MIA3: variants seen among roughly 807,000 people sequenced by gnomAD.
MIA3 encodes the protein MIA SH3 domain ER export factor 3.
MIA3 carries 90 observed loss-of-function variants against 192.4 expected under a neutral mutation model. That is an observed-to-expected ratio of 0.47 (90% CI 0.39 to 0.56). The LOEUF (loss-of-function observed/expected upper bound fraction) is 0.56. MIA3 is among the 20% of genes least tolerant of loss of function. The pLI, the probability that MIA3 is intolerant of heterozygous loss-of-function variation, is 0.00. For missense variants in MIA3, 2,123 were observed against 2,269.4 expected (o/e 0.94, Z 1.31); for synonymous variants, 740 against 792.8 (o/e 0.93, Z 1.12).
intron 8 of MIA3, among the ~76,000 whole-genome samples, chr1:222,650,062 G>T (rs1280397101): frequency 6.6e-6 from 1 of 152,126 alleles, no homozygotes; most frequent in African/African-American, 2.4e-5. Context: ...CTACCCTTAT[G>T]ATCCAATCAC....
Position 222,628,059 on chromosome 1 carries a change from G to A in MIA3, c.839G>A (p.Gly280Asp), listed in dbSNP as rs1441222738. The change falls in exon 4 of 28, where the codon GGC (glycine) becomes GAC (aspartate). Residue 280 changes from glycine to aspartate, a missense_variant. This residue lies in a region of MIA3 where 1,357 missense variants were observed against 1,396.1 expected (regional missense o/e 0.97). Transcript: ENST00000344922. ...ACTCTAGACTTGAAAACCAAATTTG[G>A]CTCAACAGCTGATGCACTTGTATCT... Reference protein sequence around the residue: ...EMTLDLKTKFGSTADALVSDD... With the variant: ...EMTLDLKTKFDSTADALVSDD... 3.1e-6 allele frequency: 5 copies of A among 1,614,044 alleles called. No homozygotes were observed. The highest frequency in any genetic ancestry group is 1.7e-5 in the Admixed American group (1 of 60,018).
Position 222,629,900 on chromosome 1 carries a change from T to C in MIA3, c.2680T>C (p.Ser894Pro). The change falls in exon 4 of 28, where the codon TCT (serine) becomes CCT (proline). Residue 894 changes from serine (S) to proline (P), a missense_variant. Transcript: ENST00000344922. ...GTACATGGGCACAGAAAGCCAGGGGTCTGCTGCTGCAGAACCTGAAGATGA... is the reference window on the plus strand; with the variant it reads ...GTACATGGGCACAGAAAGCCAGGGGCCTGCTGCTGCAGAACCTGAAGATGA... ...EKYMGTESQGSAAAEPEDDSF... is the reference protein window; with the variant it reads ...EKYMGTESQGPAAAEPEDDSF... 1 of 1,613,680 alleles carries C rather than the reference T, an allele frequency of 6.2e-7. No homozygotes were observed. The highest frequency in any genetic ancestry group is 1.3e-5 in the African/African-American group (1 of 74,872).
chr1:222,636,951 C>T (rs988854548), intron 6 of MIA3, among the ~76,000 whole-genome samples: 2 of 152,130 alleles, frequency 1.3e-5, no homozygotes, highest in Non-Finnish European at 2.9e-5. Context: ...AAGAAAGTAC[C>T]GCCAGGTAGA....
chr1:222,652,105 G>A (rs1663471359), intron 12 of MIA3, 57 bp downstream of exon 12: 3 of 1,340,028 alleles, frequency 2.2e-6, no homozygotes, highest in East Asian at 4.6e-5. Flanking sequence ...TTTGATTGCA[G>A]AGCAAAAATT....
intron 6 of MIA3, among the ~76,000 whole-genome samples, chr1:222,643,012 A>AT: frequency 6.6e-6 from 1 of 152,246 alleles, no homozygotes; most frequent in African/African-American, 2.4e-5. Context: ...TTATTTTGCA[A>AT]TTTTTTTGGA....
intron 6 of MIA3, among the ~76,000 whole-genome samples, chr1:222,637,661 G>T (rs1010494896): frequency 4.8e-5 from 7 of 146,846 alleles, no homozygotes; most frequent in Non-Finnish European, 1.1e-4. Flanking sequence ...AATATTTGGT[G>T]TGTTTCTATC....
At chr1:222,633,036 A>C in intron 5 of MIA3, 68 bp from the exon 6 acceptor site, 1 of 1,475,400 alleles carries the variant, frequency 6.8e-7, no homozygotes, top group Non-Finnish European at 9.2e-7. Context: ...GTGGATACTC[A>C]ATAAGTATTT....
At position 222,660,036 on chromosome 1, in the gene MIA3, ATC is replaced by A. The variant is rs1253504633; in HGVS notation, c.4975+32_4975+33del. The A allele has an allele frequency of 6.9e-6, 11 of 1,594,620 alleles. No individual in the cohort carries two copies. In the Admixed American group the frequency reaches 1.9e-4, roughly 27 times the overall value. ...GGGAGCTACCTTGTAAAGGGCAACAATCTGTTTTTTGATGTAAAATGTATATA... is the reference window on the plus strand; with the variant it reads ...GGGAGCTACCTTGTAAAGGGCAACAATGTTTTTTGATGTAAAATGTATATA... On this transcript the variant is annotated intron_variant, in intron 23 of 27. Transcript: ENST00000344922.
chr1:222,622,418 A>G lies in MIA3; in HGVS notation c.267+1126A>G, dbSNP rs1661913538. The stretch of plus-strand genomic sequence containing the variant: ...TAGGATTGTCCCAACTTAGAGAAAT[A>G]CCCATCCCGACTATGAAAGTTTTCA... On this transcript the variant is annotated intron_variant, in intron 2 of 27. Transcript: ENST00000344922. Among the ~76,000 whole-genome samples, 3 of 152,150 alleles carry G rather than the reference A, an allele frequency of 2.0e-5. No homozygotes were observed. The South Asian group carries it at 6.2e-4, about 32-fold the overall frequency.
In MIA3 at chr1:222,667,235, T is replaced by C. The variant is rs1664329398; in HGVS notation, c.*1616T>C. On this transcript the variant is annotated 3_prime_UTR_variant, in exon 28 of 28. Transcript: ENST00000344922. ...TAAAAATTCTTCAGGAAAAGAGAAT[T>C]CAATCTATATGTCCTCCCGTTTAAT... 1 of 152,170 alleles carries C rather than the reference T, an allele frequency of 6.6e-6. No homozygotes were observed. Among genetic ancestry groups the C allele is most frequent in the African/African-American group, 2.4e-5 (1 of 41,452 alleles). The allele number at this position is 152,170 out of a possible 1,614,324, so 9.4% of individuals were successfully genotyped here. A position where few individuals can be genotyped will look rare whatever the true frequency, so the allele number is the denominator to read the frequency against.
chr1:222,643,924 T>A (rs964498682), intron 6 of MIA3, among the ~76,000 whole-genome samples: 1 of 151,592 alleles, frequency 6.6e-6, no homozygotes, highest in Non-Finnish European at 1.5e-5. Context: ...GGCGGAACAG[T>A]AAGCAGAGGA....
chr1:222,640,618 T>TTAA (rs1662810590), intron 6 of MIA3, among the ~76,000 whole-genome samples: 1 of 152,118 alleles, frequency 6.6e-6, no homozygotes, highest in South Asian at 2.1e-4. Context: ...TCAAAGCAGA[T>TTAA]AATAGACTTA....
intron 7 of MIA3, 101 bp downstream of exon 7, chr1:222,645,786 A>AAAGCATTAAT: frequency 3.8e-6 from 4 of 1,039,376 alleles, no homozygotes; most frequent in Non-Finnish European, 5.5e-6. Flanking sequence ...ACAGAAATTA[A>AAAGCATTAAT]TGCTTTTAAT....
chr1:222,654,557 C>T (rs1290375003), intron 17 of MIA3, 78 bp downstream of exon 17: 13 of 1,555,844 alleles, frequency 8.4e-6, no homozygotes, highest in Non-Finnish European at 1.1e-5. Flanking sequence ...GAGCGGCTTC[C>T]TGCTTTCATA....
rs184397942 is a variant in MIA3 at position 222,646,453 on chromosome 1, C to A, written c.3609+768C>A. ...AGAAAGAAAGAAATAACCAATCATG[C>A]ATTAAATATCTTACATGGCCGGGCG... On this transcript the variant is annotated intron_variant, in intron 7 of 27. Transcript: ENST00000344922. Among the ~76,000 whole-genome samples the A allele has an allele frequency of 8.0e-4, 120 of 150,128 alleles. 6 individuals carry two copies. In the East Asian group the frequency reaches 0.023, roughly 29 times the overall value.
chr1:222,658,960 T>A, intron 19 of MIA3, 137 bp downstream of exon 19: 2 of 583,498 alleles, frequency 3.4e-6, no homozygotes, highest in South Asian at 4.5e-5. Flanking sequence ...AAATTTTAAG[T>A]TAACAAATGG....
chr1:222,665,429 T>C lies in MIA3; in HGVS notation c.5534T>C (p.Leu1845Ser), dbSNP rs1342507434. ...CCTGGACACGCACCATTTAGACCTTTAGGTTCACTTGGCCCAAGAGAGTAC... is the reference window on the plus strand; with the variant it reads ...CCTGGACACGCACCATTTAGACCTTCAGGTTCACTTGGCCCAAGAGAGTAC... ...FLPGHAPFRP[L>S]GSLGPREYFI... The change falls in exon 28 of 28, where the codon TTA (leucine) becomes TCA (serine). Residue 1845 changes from leucine (L) to serine (S), a missense_variant. Physicochemically the swap from Leu to Ser is moderately radical, Grantham distance 145. Coordinates refer to ENST00000344922, the MANE Select transcript of MIA3 (RefSeq NM_198551.4). The C allele has an allele frequency of 9.3e-6, 15 of 1,613,948 alleles. No homozygotes were observed. Among genetic ancestry groups the C allele is most frequent in the East Asian group, 2.2e-5 (1 of 44,868 alleles).
chr1:222,633,318 T>C, intron 6 of MIA3, 69 bp downstream of exon 6: 1 of 1,322,708 alleles, frequency 7.6e-7, no homozygotes, highest in South Asian at 1.4e-5. Context: ...ATTTTGAGCA[T>C]GAGGTGAAGA....
intron 15 of MIA3, 56 bp from the exon 16 acceptor site, chr1:222,654,187 T>C (rs1222625843): frequency 6.5e-6 from 10 of 1,533,484 alleles, no homozygotes; most frequent in Admixed American, 1.8e-5. Flanking sequence ...CAAGAAAATA[T>C]AGATTTAAAA....
Sources: allele counts gnomAD v4.1 joint callset (sites outside exome capture counted in the v4.1 genomes callset), GRCh38; gene constraint gnomAD v4.1.1; regional missense constraint gnomAD v4.1.1; transcripts MANE v1.5; gene names NCBI Gene and HGNC (gene_info 2026-07-23, HGNC 2026-07-21).